CWC22: variants seen among roughly 807,000 people sequenced by gnomAD.
The protein encoded by CWC22 is CWC22 spliceosome associated protein.
In CWC22, 53 loss-of-function variants were observed where a neutral mutation model predicts 117.2. The ratio of observed to expected loss-of-function variants is 0.45; its 90% confidence interval spans 0.36 to 0.57. CWC22 has a LOEUF of 0.57. Ranked by LOEUF, CWC22 falls within the 20% of genes least tolerant of loss-of-function variation. The pLI, the probability that CWC22 is intolerant of heterozygous loss-of-function variation, is 0.00. For missense variants in CWC22, 980 were observed against 1,068.8 expected (o/e 0.92, Z 1.16); for synonymous variants, 360 against 355.6 (o/e 1.01, Z -0.14).
chr2:179,977,152 C>T (rs1687173846), intron 6 of CWC22, among the ~76,000 whole-genome samples: 1 of 152,104 alleles, frequency 6.6e-6, no homozygotes, highest in East Asian at 1.9e-4. Flanking sequence ...AGACCCCCAT[C>T]TCTAAAATAA....
intron 16 of CWC22, among the ~76,000 whole-genome samples, chr2:179,952,808 A>G (rs1686486942): frequency 6.6e-6 from 1 of 152,116 alleles, no homozygotes; most frequent in South Asian, 2.1e-4. Flanking sequence ...TGCGACAGAA[A>G]TAGATTTCAT....
chr2:179,946,356 T>G (rs1454661035), intron 19 of CWC22, among the ~76,000 whole-genome samples: 2 of 140,222 alleles, frequency 1.4e-5, no homozygotes, highest in African/African-American at 5.3e-5. Context: ...GAGCCTGAGG[T>G]GGGAGGATCA....
chr2:179,945,754 A>G (rs1559282201), intron 19 of CWC22, 39 bp from the exon 20 acceptor site: 3 of 1,212,206 alleles, frequency 2.5e-6, no homozygotes, highest in Non-Finnish European at 3.5e-6. Context: ...CTTTTATTTC[A>G]ATCTTAATTT....
chr2:179,980,653 G>A (rs1266487361), intron 5 of CWC22, among the ~76,000 whole-genome samples: 3 of 151,904 alleles, frequency 2.0e-5, no homozygotes, highest in Non-Finnish European at 2.9e-5. Flanking sequence ...TTGGGAGGCC[G>A]AGGTGGGCGG....
At position 179,992,250 on chromosome 2, in the gene CWC22, A is replaced by T. The variant is rs184908697; in HGVS notation, c.27+1065T>A. Among the ~76,000 whole-genome samples the T allele has an allele frequency of 3.4e-3, 519 of 152,300 alleles. 2 individuals carry two copies. Among genetic ancestry groups the T allele is most frequent in the Non-Finnish European group, 4.4e-3 (297 of 68,026 alleles). On this transcript the variant is annotated intron_variant, in intron 2 of 19. Coordinates refer to ENST00000410053, the MANE Select transcript of CWC22 (RefSeq NM_020943.3). ...AGTTGAAGAGAAAAAGAAGTTGAGT[A>T]GTTTGCTCTCCTGCCAAGTCCACTC...
At chr2:179,965,685 G>T (rs181377200) in intron 12 of CWC22, among the ~76,000 whole-genome samples, 193 bp downstream of exon 12, 6 of 152,314 alleles carry the variant, frequency 3.9e-5, no homozygotes, top group African/African-American at 1.4e-4. Context: ...TTTTGGGCTA[G>T]ATCATATCTT....
At position 179,966,857 on chromosome 2, in the gene CWC22, C is replaced by T. The variant is rs868684122; in HGVS notation, c.1211-875G>A. Among the ~76,000 whole-genome samples, 4 of 152,206 alleles carry T rather than the reference C, an allele frequency of 2.6e-5. No individual in the cohort carries two copies. The South Asian group carries it at 8.3e-4, about 32-fold the overall frequency. ...GGACCAATTCACTTTAAGAAAAATT[C>T]TAATTTCTTTATATTTAAGCAGTAT... On this transcript the variant is annotated intron_variant, in intron 11 of 19. Transcript: ENST00000410053.
At chr2:179,965,598 T>G in intron 12 of CWC22, among the ~76,000 whole-genome samples, 1 of 152,230 alleles carries the variant, frequency 6.6e-6, no homozygotes, top group Non-Finnish European at 1.5e-5. Context: ...ATATACTAAA[T>G]TAAAATTGTG....
intron 6 of CWC22, among the ~76,000 whole-genome samples, chr2:179,976,988 T>C (rs1397773944): frequency 6.6e-6 from 1 of 152,082 alleles, no homozygotes; most frequent in East Asian, 1.9e-4. Context: ...GACCTCATTC[T>C]CTACAAAATA....
chr2:179,977,031 T>C (rs1687171348), intron 6 of CWC22, among the ~76,000 whole-genome samples: 1 of 152,018 alleles, frequency 6.6e-6, no homozygotes, highest in Non-Finnish European at 1.5e-5. Flanking sequence ...TGGTGAGTGC[T>C]TGCGGTCCCA....
chr2:179,952,046 A>G (rs1305410978), intron 17 of CWC22, among the ~76,000 whole-genome samples: 3 of 152,170 alleles, frequency 2.0e-5, no homozygotes, highest in Non-Finnish European at 4.4e-5. Flanking sequence ...AGGGGATTAC[A>G]TAATAATCCT....
At chr2:179,979,011 TTGGACAATGTCTAAGATCTTTCAA>T (rs1467795049) in intron 5 of CWC22, among the ~76,000 whole-genome samples, 2 of 152,292 alleles carry the variant, frequency 1.3e-5, no homozygotes, top group Non-Finnish European at 1.5e-5. Flanking sequence ...TTAGGTTGAA[TTGGACAATGTCTAAGATCTTTCAA>T]TGCTCTACAG....
rs561406588 is a variant in CWC22 at position 179,973,629 on chromosome 2, T to C, written c.750+5A>G. The C allele has an allele frequency of 1.9e-6, 3 of 1,558,796 alleles. No homozygotes were observed. Among genetic ancestry groups the C allele is most frequent in the Non-Finnish European group, 2.6e-6 (3 of 1,140,430 alleles). ...TCATTCTACTTACAAGCCATTCATA[T>C]ATACCTTGTCATTTCTTCGATAGCC... is the stretch of plus-strand genomic sequence containing the variant. On this transcript the variant is annotated splice_donor_5th_base_variant and intron_variant, in intron 7 of 19. Transcript: ENST00000410053.
At chr2:179,950,082 T>C (rs536556226) in intron 19 of CWC22, among the ~76,000 whole-genome samples, 2 of 152,332 alleles carry the variant, frequency 1.3e-5, no homozygotes, top group African/African-American at 4.8e-5. Flanking sequence ...TATGAGGATG[T>C]GTTCCCTTTA....
chr2:179,962,218 C>T (rs970057695), intron 13 of CWC22, among the ~76,000 whole-genome samples: 4 of 152,216 alleles, frequency 2.6e-5, no homozygotes, highest in East Asian at 1.9e-4. Flanking sequence ...GAAGATAAGA[C>T]TACTGGTGAG....
Position 179,978,320 on chromosome 2 carries a change from T to TA in CWC22, c.453-3dup, listed in dbSNP as rs775070197. 923 of 1,469,466 alleles carry TA rather than the reference T, an allele frequency of 6.3e-4. No homozygotes were observed. The highest frequency in any genetic ancestry group is 7.3e-4 in the Non-Finnish European group (813 of 1,113,732). The allele number at this position is 1,469,466 out of a possible 1,614,324, so 91.0% of individuals were successfully genotyped here. A position where few individuals can be genotyped will look rare whatever the true frequency, so the allele number is the denominator to read the frequency against. On this transcript the variant is annotated splice_region_variant and splice_polypyrimidine_tract_variant and intron_variant, in intron 5 of 19. Transcript: ENST00000410053. ...CAACTCATCCTCTGGTATGCTAAGC[T>TA]AAAAAGAAGTGATTTTAATAAAGAT...
intron 1 of CWC22, among the ~76,000 whole-genome samples, chr2:179,998,328 G>C (rs562354211): frequency 6.6e-6 from 1 of 152,052 alleles, no homozygotes; most frequent in African/African-American, 2.4e-5. Flanking sequence ...TTTTAAACTT[G>C]AGAAATTATG....
chr2:179,969,527 A>T (rs1160215061), intron 11 of CWC22, among the ~76,000 whole-genome samples: 5 of 152,218 alleles, frequency 3.3e-5, no homozygotes, highest in Admixed American at 2.6e-4. Flanking sequence ...TTCTCTGTAT[A>T]TGAGACTACA....
chr2:179,978,154 C>T, intron 6 of CWC22, 36 bp downstream of exon 6: 1 of 1,451,082 alleles, frequency 6.9e-7, no homozygotes, highest in Non-Finnish European at 9.1e-7. Flanking sequence ...TGAAAAAATA[C>T]TTAGAAATAC....
Sources: allele counts gnomAD v4.1 joint callset (sites outside exome capture counted in the v4.1 genomes callset), GRCh38; gene constraint gnomAD v4.1.1; transcripts MANE v1.5; gene names NCBI Gene and HGNC (gene_info 2026-07-23, HGNC 2026-07-21).